Variants in GRID2 observed in about 807,000 individuals in gnomAD.
GRID2 encodes the protein glutamate receptor ionotropic, delta-2.
A neutral mutation model predicts 114.8 loss-of-function variants in GRID2; 33 were observed. That is an observed-to-expected ratio of 0.29 (90% confidence interval 0.22 to 0.38). GRID2 has a LOEUF of 0.38. GRID2 is among the 10% of genes least tolerant of loss of function. The pLI is 1.00. For synonymous variants in GRID2, 505 were observed against 449.9 expected (o/e 1.12, Z -1.55); for missense variants, 1,184 against 1,257.7 (o/e 0.94, Z 0.89).
At chr4:92,903,130 A>G (rs1485009597) in intron 2 of GRID2, among the ~76,000 whole-genome samples, 1 of 151,912 alleles carries the variant, frequency 6.6e-6, no homozygotes, top group Non-Finnish European at 1.5e-5. Flanking sequence ...ATTGAATCAG[A>G]AGACTGCTTT....
chr4:93,544,276 A>T (rs1040917904), intron 13 of GRID2, among the ~76,000 whole-genome samples: 5 of 150,158 alleles, frequency 3.3e-5, no homozygotes, highest in Non-Finnish European at 5.9e-5. Context: ...ATTTGTAAAA[A>T]TTTAAATGGG....
rs191231309 is a variant in GRID2 at position 93,441,468 on chromosome 4, T to A, written c.1546-14194T>A. Among the ~76,000 whole-genome samples the A allele has an allele frequency of 9.6e-4, 143 of 149,444 alleles. 1 individual carries two copies. The highest frequency in any genetic ancestry group is 3.2e-3 in the African/African-American group (133 of 41,436). ...GCCTAGAAAGGTAGTTGATGCAATA[T>A]ATAATATATTTCCTCTTTCTCTTTT... On this transcript the variant is annotated intron_variant, in intron 10 of 15. Transcript: ENST00000282020.
chr4:93,794,916 T>A (rs916786260), intron 1 of GRID2, among the ~76,000 whole-genome samples: 3 of 152,148 alleles, frequency 2.0e-5, no homozygotes, highest in African/African-American at 7.2e-5. Context: ...ATTTTTACAT[T>A]CCCCAATGTA....
At chr4:93,175,467 A>C (rs1439304115) in intron 4 of GRID2, among the ~76,000 whole-genome samples, 3 of 151,974 alleles carry the variant, frequency 2.0e-5, no homozygotes, top group African/African-American at 7.2e-5. Context: ...CACCGCACAC[A>C]GCATAATGCT....
intron 2 of GRID2, among the ~76,000 whole-genome samples, chr4:93,035,546 C>T (rs1406368512): frequency 6.6e-6 from 1 of 152,104 alleles, no homozygotes; most frequent in Non-Finnish European, 1.5e-5. Context: ...AGCATGGCTT[C>T]CCTTTATCCT....
chr4:93,290,872 CTTTTT>C (rs56735687), intron 8 of GRID2, among the ~76,000 whole-genome samples: 7 of 88,528 alleles, frequency 7.9e-5, no homozygotes, highest in African/African-American at 1.8e-4. Flanking sequence ...ATACAAGTTA[CTTTTT>C]TTTTTTTTTT....
rs985070012 is a variant in GRID2 at position 93,626,201 on chromosome 4, CCTGT to C, written c.2194-65_2194-62del. On this transcript the variant is annotated intron_variant, in intron 13 of 15. Transcript: ENST00000282020. Reference sequence around the variant, plus strand: ...TATATACCAATGTAATGTTTTTCATCCTGTCTATGTAAATTAAAATTCCAACTTT... The same window carrying C: ...TATATACCAATGTAATGTTTTTCATCCTATGTAAATTAAAATTCCAACTTT... 2.1e-4 allele frequency: 158 copies of C among 757,660 alleles called. 1 individual carries two copies. Among genetic ancestry groups the C allele is most frequent in the African/African-American group, 1.2e-3 (68 of 56,788 alleles). The allele number at this position is 757,660 out of a possible 1,614,324, so 46.9% of individuals were successfully genotyped here. A position where few individuals can be genotyped will look rare whatever the true frequency, so the allele number is the denominator to read the frequency against.
chr4:93,659,244 A>C (rs931949266), intron 14 of GRID2, among the ~76,000 whole-genome samples: 3 of 152,180 alleles, frequency 2.0e-5, no homozygotes, highest in South Asian at 2.1e-4. Flanking sequence ...AAATGTGCAC[A>C]GGTGATTCCC....
intron 2 of GRID2, among the ~76,000 whole-genome samples, chr4:92,794,899 T>TAC (rs1159599176): frequency 1.5e-5 from 2 of 136,712 alleles, no homozygotes; most frequent in Admixed American, 1.5e-4. Flanking sequence ...TATATATATA[T>TAC]ATATATACAC....
chr4:92,818,578 G>A (rs1741062106), intron 2 of GRID2, among the ~76,000 whole-genome samples: 3 of 152,074 alleles, frequency 2.0e-5, no homozygotes, highest in Admixed American at 6.6e-5. Flanking sequence ...CTTATTAGCT[G>A]TTCAATTTAG....
chr4:92,603,358 A>C (rs949746987), intron 2 of GRID2, among the ~76,000 whole-genome samples: 1 of 152,086 alleles, frequency 6.6e-6, no homozygotes, highest in Non-Finnish European at 1.5e-5. Flanking sequence ...CACACAGACC[A>C]ATGGAACACA....
At chr4:93,367,446 AT>A (rs1249936625) in intron 8 of GRID2, among the ~76,000 whole-genome samples, 1 of 152,122 alleles carries the variant, frequency 6.6e-6, no homozygotes, top group Non-Finnish European at 1.5e-5. Context: ...AATGTAATTA[AT>A]TTTGTTGATT....
intron 2 of GRID2, among the ~76,000 whole-genome samples, chr4:92,694,393 T>C (rs1734330186): frequency 6.6e-6 from 1 of 152,172 alleles, no homozygotes; most frequent in Non-Finnish European, 1.5e-5. Flanking sequence ...CCACCAGAAC[T>C]ATCTGGAAGA....
intron 14 of GRID2, among the ~76,000 whole-genome samples, chr4:93,656,847 A>AT (rs1371004339): frequency 8.1e-5 from 12 of 148,292 alleles, no homozygotes; most frequent in African/African-American, 3.0e-4. Flanking sequence ...AAAAAAAAAA[A>AT]AAAAAAAAAA....
chr4:92,420,808 C>T (rs1731867585), intron 1 of GRID2, among the ~76,000 whole-genome samples: 1 of 152,144 alleles, frequency 6.6e-6, no homozygotes. Flanking sequence ...CCTCAGCATC[C>T]TGAGTAGCTG....
At chr4:92,889,051 A>AT (rs1045832004) in intron 2 of GRID2, among the ~76,000 whole-genome samples, 1 of 152,128 alleles carries the variant, frequency 6.6e-6, no homozygotes, top group Non-Finnish European at 1.5e-5. Flanking sequence ...TGCAGTGCAA[A>AT]CCAAGACAGT....
intron 1 of GRID2, among the ~76,000 whole-genome samples, chr4:93,779,793 G>A (rs558435724): frequency 6.6e-6 from 1 of 152,320 alleles, no homozygotes; most frequent in African/African-American, 2.4e-5. Flanking sequence ...TAGGACAAGC[G>A]TTGGGAAGAA....
intron 3 of GRID2, among the ~76,000 whole-genome samples, chr4:93,093,503 T>C (rs1730951942): frequency 6.6e-6 from 1 of 151,998 alleles, no homozygotes; most frequent in South Asian, 2.1e-4. Context: ...AAAATCTCCT[T>C]GAATATTTGT....
At chr4:93,480,750 AGAG>A (rs1725775485) in intron 11 of GRID2, among the ~76,000 whole-genome samples, 1 of 152,044 alleles carries the variant, frequency 6.6e-6, no homozygotes, top group Non-Finnish European at 1.5e-5. Context: ...CTGAGACTTC[AGAG>A]GAGAAGCACA....
Sources: allele counts gnomAD v4.1 joint callset (sites outside exome capture counted in the v4.1 genomes callset), GRCh38; gene constraint gnomAD v4.1.1; transcripts MANE v1.5; gene names NCBI Gene and HGNC (gene_info 2026-07-23, HGNC 2026-07-21).